MACROD2: variants seen among roughly 807,000 people sequenced by gnomAD.
MACROD2 encodes mono-ADP ribosylhydrolase 2.
MACROD2 carries 36 observed loss-of-function variants against 70.4 expected under a neutral mutation model. The ratio of observed to expected loss-of-function variants is 0.51; its 90% confidence interval spans 0.39 to 0.68. The LOEUF is 0.68. Ranked by LOEUF, MACROD2 falls within the 30% of genes least tolerant of loss-of-function variation. The pLI, the probability that MACROD2 is intolerant of heterozygous loss-of-function variation, is 0.00. For synonymous variants in MACROD2, 172 were observed against 178.8 expected (o/e 0.96, Z 0.30); for missense variants, 496 against 538.4 (o/e 0.92, Z 0.78).
At chr20:14,558,593 G>C (rs1167472257) in intron 4 of MACROD2, among the ~76,000 whole-genome samples, 10 of 151,592 alleles carry the variant, frequency 6.6e-5, no homozygotes. Context: ...GCTAAAGAGA[G>C]ACATTGTATA....
At chr20:15,891,480 T>C (rs1377630545) in intron 10 of MACROD2, among the ~76,000 whole-genome samples, 1 of 152,128 alleles carries the variant, frequency 6.6e-6, no homozygotes, top group Non-Finnish European at 1.5e-5. Context: ...GCTGCTGTGT[T>C]GAGGATAGAG....
intron 3 of MACROD2, among the ~76,000 whole-genome samples, chr20:14,120,834 C>T (rs2148692080): frequency 1.3e-5 from 2 of 151,540 alleles, no homozygotes; most frequent in Middle Eastern, 3.4e-3. Context: ...ACCACATGTT[C>T]TCACTCATAA....
rs932682091 is a variant in MACROD2, at chr20:14,793,666, G to A, written c.418+108707G>A. Among the ~76,000 whole-genome samples, 10 of 151,984 alleles carry A rather than the reference G, an allele frequency of 6.6e-5. 1 individual carries two copies. Among genetic ancestry groups the A allele is most frequent in the East Asian group, 3.9e-4 (2 of 5,184 alleles). ...GGGGAACAAATTAAAAGACATTCGC[G>A]TTATCAGATTCCAAAAGCTCGAAGA... On this transcript the variant is annotated intron_variant, in intron 5 of 17. Transcript: ENST00000684519.
intron 3 of MACROD2, among the ~76,000 whole-genome samples, chr20:14,106,898 T>G (rs897420700): frequency 3.3e-5 from 5 of 152,174 alleles, no homozygotes; most frequent in Non-Finnish European, 7.4e-5. Context: ...TCCCTTTGAA[T>G]ACCTGGAAAG....
At chr20:15,468,579 G>A (rs1028985684) in intron 7 of MACROD2, among the ~76,000 whole-genome samples, 2 of 152,206 alleles carry the variant, frequency 1.3e-5, no homozygotes, top group Admixed American at 1.3e-4. Flanking sequence ...AGAGCAGAGA[G>A]GGCTTAAAAG....
At chr20:15,307,220 G>A (rs1467024903) in intron 6 of MACROD2, among the ~76,000 whole-genome samples, 1 of 152,192 alleles carries the variant, frequency 6.6e-6, no homozygotes, top group Non-Finnish European at 1.5e-5. Flanking sequence ...ATTTATGCTT[G>A]TTGCAGAAAC....
At chr20:14,330,138 C>T (rs1477257650) in intron 3 of MACROD2, among the ~76,000 whole-genome samples, 1 of 152,026 alleles carries the variant, frequency 6.6e-6, no homozygotes, top group African/African-American at 2.4e-5. Flanking sequence ...TGGGGCATTT[C>T]TCTCTAGGTT....
chr20:14,928,380 A>G (rs1404726975), intron 5 of MACROD2, among the ~76,000 whole-genome samples: 1 of 152,186 alleles, frequency 6.6e-6, no homozygotes, highest in Non-Finnish European at 1.5e-5. Flanking sequence ...AAGATTTTAG[A>G]GATATAAATA....
At chr20:14,106,411 A>G (rs1375037461) in intron 3 of MACROD2, among the ~76,000 whole-genome samples, 1 of 152,116 alleles carries the variant, frequency 6.6e-6, no homozygotes, top group African/African-American at 2.4e-5. Context: ...GGACCTGAGG[A>G]GCAACACATC....
rs1386928572 is a variant in MACROD2 at position 14,326,903 on chromosome 20, T to C, written c.272-166576T>C. 1 of 1,613,794 alleles carries C rather than the reference T, an allele frequency of 6.2e-7. No individual in the cohort carries two copies. Among genetic ancestry groups the C allele is most frequent in the Non-Finnish European group, 8.5e-7 (1 of 1,179,810 alleles). On this transcript the variant is annotated intron_variant, in intron 3 of 17. Coordinates refer to ENST00000684519, the MANE Select transcript of MACROD2 (RefSeq NM_001351661.2). The surrounding 1 kb of genome is among the most constrained non-coding windows in gnomAD (Gnocchi z 5.5). ...AGGTTTCCATCTAGAACCAGGCGTT[T>C]TAGACTAGTGAGACCTTGAAGAGAT...
chr20:14,706,807 ACAATTGCCGAAAGGTTCTTCTTT>A, intron 5 of MACROD2, among the ~76,000 whole-genome samples: 1 of 152,184 alleles, frequency 6.6e-6, no homozygotes, highest in Middle Eastern at 3.4e-3. Context: ...ACTGAAGGGC[ACAATTGCCGAAAGGTTCTTCTTT>A]CAGTTCAGTC....
chr20:14,481,284 G>A lies in MACROD2; in HGVS notation c.272-12195G>A, dbSNP rs143037649. ...TATGCCCTCTTTAATAGCGATGTAT[G>A]TTTAATTGTTCATATTACCTGAAGT... On this transcript the variant is annotated intron_variant, in intron 3 of 17. Coordinates refer to ENST00000684519, the MANE Select transcript of MACROD2 (RefSeq NM_001351661.2). Among the ~76,000 whole-genome samples, 1,012 of 152,112 alleles carry A rather than the reference G, an allele frequency of 6.7e-3. 6 individuals are homozygous for A. The highest frequency in any genetic ancestry group is 9.9e-3 in the Non-Finnish European group (672 of 67,936).
At chr20:14,118,842 A>ATTTT (rs1225541555) in intron 3 of MACROD2, among the ~76,000 whole-genome samples, 9 of 121,220 alleles carry the variant, frequency 7.4e-5, no homozygotes, top group Non-Finnish European at 1.4e-4. Flanking sequence ...AGTGACTGTG[A>ATTTT]TTTTTTTTTT....
At chr20:15,534,310 G>A (rs1035009122) in intron 8 of MACROD2, among the ~76,000 whole-genome samples, 3 of 152,142 alleles carry the variant, frequency 2.0e-5, no homozygotes, top group African/African-American at 7.2e-5. Context: ...CTAGAGTTAT[G>A]TCTCTATGTG....
At chr20:15,836,096 T>C (rs1487095992) in intron 8 of MACROD2, among the ~76,000 whole-genome samples, 1 of 143,076 alleles carries the variant, frequency 7.0e-6, no homozygotes, top group East Asian at 2.0e-4. Flanking sequence ...GTGACTCTTA[T>C]ATTTCCTGTG....
intron 8 of MACROD2, among the ~76,000 whole-genome samples, chr20:15,627,375 A>C (rs1172658687): frequency 1.3e-5 from 2 of 152,142 alleles, no homozygotes; most frequent in Non-Finnish European, 2.9e-5. Context: ...ACAAATAAAG[A>C]CCACGGCATT....
chr20:16,049,361 T>G (rs1456608509), intron 17 of MACROD2, among the ~76,000 whole-genome samples: 1 of 152,182 alleles, frequency 6.6e-6, no homozygotes, highest in South Asian at 2.1e-4. Flanking sequence ...CTTCTTAGTG[T>G]CCTCTCATGG....
intron 8 of MACROD2, among the ~76,000 whole-genome samples, chr20:15,848,307 G>C (rs1011819220): frequency 1.3e-5 from 2 of 151,938 alleles, no homozygotes; most frequent in Non-Finnish European, 2.9e-5. Context: ...CCCAGCCCCC[G>C]TGCAGGATCT....
chr20:15,425,876 T>A (rs111845006), intron 6 of MACROD2, among the ~76,000 whole-genome samples: 1,555 of 152,204 alleles, frequency 0.01, 25 homozygotes, highest in African/African-American at 0.035. Flanking sequence ...GAGAAGCAAG[T>A]GGTAGGGATG....
Sources: allele counts gnomAD v4.1 joint callset (sites outside exome capture counted in the v4.1 genomes callset), GRCh38; gene constraint gnomAD v4.1.1; non-coding constraint Gnocchi (gnomAD v3.1); transcripts MANE v1.5; gene names NCBI Gene and HGNC (gene_info 2026-07-23, HGNC 2026-07-21).